Variants in CSMD1 observed in about 807,000 individuals in gnomAD.
CSMD1 encodes the protein CUB and sushi domain-containing protein 1.
Under a neutral mutation model 417.5 loss-of-function variants are expected in CSMD1, and 213 were observed. The ratio of observed to expected loss-of-function variants is 0.51; its 90% CI spans 0.46 to 0.57. The LOEUF (loss-of-function observed/expected upper bound fraction) is 0.57, where lower values mean the gene tolerates loss of function less well. CSMD1 is among the 20% of genes least tolerant of loss of function. CSMD1 has a pLI of 0.00. For missense variants in CSMD1, 6,923 were observed against 4,529.7 expected (o/e 1.53, Z -15.17); for synonymous variants, 2,862 against 1,736.8 (o/e 1.65, Z -16.11).
chr8:3,630,817 G>T (rs1035051922), intron 7 of CSMD1, among the ~76,000 whole-genome samples: 2 of 152,188 alleles, frequency 1.3e-5, no homozygotes, highest in African/African-American at 4.8e-5. Context: ...AAGGTCAAGA[G>T]TTCCATTGCT....
At chr8:4,807,849 G>T (rs951731831) in intron 1 of CSMD1, among the ~76,000 whole-genome samples, 1 of 152,102 alleles carries the variant, frequency 6.6e-6, no homozygotes, top group Non-Finnish European at 1.5e-5. Context: ...CTATGTTATT[G>T]TTAATATTAC....
At chr8:4,725,644 C>G (rs1019141468) in intron 1 of CSMD1, among the ~76,000 whole-genome samples, 6 of 152,164 alleles carry the variant, frequency 3.9e-5, no homozygotes, top group African/African-American at 1.4e-4. Flanking sequence ...ACAGCTCATC[C>G]TTTCAGAATC....
At chr8:4,363,036 T>C (rs1001363602) in intron 3 of CSMD1, among the ~76,000 whole-genome samples, 8 of 152,212 alleles carry the variant, frequency 5.3e-5, no homozygotes, top group African/African-American at 1.9e-4. Flanking sequence ...TTACTTCTGC[T>C]ACTACGGAAG....
At chr8:3,633,388 T>C (rs542049621) in intron 7 of CSMD1, among the ~76,000 whole-genome samples, 65 of 152,178 alleles carry the variant, frequency 4.3e-4, no homozygotes, top group Non-Finnish European at 8.4e-4. Context: ...ACTGACAAGT[T>C]TGCAAACTAG....
intron 3 of CSMD1, among the ~76,000 whole-genome samples, chr8:4,312,005 T>A (rs926454485): frequency 6.6e-6 from 1 of 152,110 alleles, no homozygotes. Context: ...AAAAAAGAAA[T>A]GCATTGCTAT....
chr8:4,772,596 T>C (rs1006542442), intron 1 of CSMD1, among the ~76,000 whole-genome samples: 2 of 152,188 alleles, frequency 1.3e-5, no homozygotes, highest in Admixed American at 6.5e-5. Flanking sequence ...GTGTTTTGAA[T>C]TAAAATTTTT....
At chr8:4,466,292 G>C (rs1032623430) in intron 2 of CSMD1, among the ~76,000 whole-genome samples, 4 of 151,992 alleles carry the variant, frequency 2.6e-5, no homozygotes. Context: ...GAAGAAAACA[G>C]AGGAGGAGGA....
intron 2 of CSMD1, among the ~76,000 whole-genome samples, chr8:4,437,412 C>G (rs1798209638): frequency 6.6e-6 from 1 of 152,054 alleles, no homozygotes; most frequent in South Asian, 2.1e-4. Flanking sequence ...CAAAGTGAGC[C>G]ACATTTTCTA....
chr8:4,745,721 A>G (rs1273000424), intron 1 of CSMD1, among the ~76,000 whole-genome samples: 1 of 152,224 alleles, frequency 6.6e-6, no homozygotes, highest in Non-Finnish European at 1.5e-5. Context: ...TTAACTTAGC[A>G]TACTTTAATG....
chr8:4,804,795 C>A (rs1475510596), intron 1 of CSMD1, among the ~76,000 whole-genome samples: 2 of 152,162 alleles, frequency 1.3e-5, no homozygotes, highest in African/African-American at 4.8e-5. Flanking sequence ...ACAATTTATT[C>A]CTAGGGGACC....
Position 3,544,259 on chromosome 8 carries a change from C to T in CSMD1, c.1344+30686G>A, listed in dbSNP as rs190884557. Among the ~76,000 whole-genome samples, 5 of 152,196 alleles carry T rather than the reference C, an allele frequency of 3.3e-5. No homozygotes were observed. In the East Asian group the frequency reaches 9.7e-4, roughly 29 times the overall value. Reference sequence around the variant, plus strand: ...TAAAAGTGCCCCGACATCCTGATACCTTGAAAAAAGAGCGTTCTTAATTTT... The same window carrying T: ...TAAAAGTGCCCCGACATCCTGATACTTTGAAAAAAGAGCGTTCTTAATTTT... On this transcript the variant is annotated intron_variant, in intron 10 of 69. Transcript: ENST00000635120.
At chr8:4,033,821 C>T (rs989104270) in intron 3 of CSMD1, among the ~76,000 whole-genome samples, 4 of 152,176 alleles carry the variant, frequency 2.6e-5, no homozygotes, top group African/African-American at 9.7e-5. Context: ...ACTTGAAACT[C>T]CATTCCACAC....
chr8:3,867,354 G>A (rs1805175242), intron 5 of CSMD1, among the ~76,000 whole-genome samples: 1 of 152,146 alleles, frequency 6.6e-6, no homozygotes, highest in South Asian at 2.1e-4. Context: ...CAGACTGGAT[G>A]TCTCTTCTAT....
chr8:4,318,342 CCTCT>C lies in CSMD1; in HGVS notation c.415+101607_415+101610del, dbSNP rs1342020979. Among the ~76,000 whole-genome samples, 9 of 152,230 alleles carry C rather than the reference CCTCT, an allele frequency of 5.9e-5. No homozygotes were observed. In the East Asian group the frequency reaches 9.7e-4, roughly 16 times the overall value. On this transcript the variant is annotated intron_variant, in intron 3 of 69. Transcript: ENST00000635120. ...CTTTACCATTAGGTCATCCATCCCT[CCTCT>C]CTCTTTTTATGCACACATGTGCACA...
At chr8:4,962,105 T>A (rs1809530690) in intron 1 of CSMD1, among the ~76,000 whole-genome samples, 1 of 67,448 alleles carries the variant, frequency 1.5e-5, no homozygotes, top group South Asian at 4.5e-4. Flanking sequence ...AAGTATGTAT[T>A]TTTTTGTTGT....
intron 5 of CSMD1, among the ~76,000 whole-genome samples, chr8:3,759,961 A>G (rs1307448113): frequency 6.6e-6 from 1 of 151,628 alleles, no homozygotes; most frequent in Non-Finnish European, 1.5e-5. Context: ...TGATCAACCA[A>G]TGTCTTCCCG....
chr8:4,589,994 T>C (rs1197633658), intron 2 of CSMD1, among the ~76,000 whole-genome samples: 3 of 152,226 alleles, frequency 2.0e-5, no homozygotes, highest in African/African-American at 4.8e-5. Context: ...ATACTGTCTG[T>C]TCTAAAAGTC....
At chr8:4,193,712 C>T (rs549227457) in intron 3 of CSMD1, among the ~76,000 whole-genome samples, 104 of 152,226 alleles carry the variant, frequency 6.8e-4, no homozygotes, top group Middle Eastern at 3.4e-3. Context: ...TTTCAAGGCG[C>T]AGGAACCACG....
intron 54 of CSMD1, among the ~76,000 whole-genome samples, chr8:2,987,122 T>G (rs1188915397): frequency 1.3e-5 from 2 of 152,132 alleles, no homozygotes; most frequent in African/African-American, 4.8e-5. Context: ...TGTATTTTTC[T>G]ATCATATTTT....
Sources: gnomAD v4.1 joint callset for allele counts (sites outside exome capture counted in the v4.1 genomes callset) on GRCh38, gnomAD v4.1.1 for gene constraint, MANE v1.5 for transcripts, NCBI Gene and HGNC (gene_info 2026-07-23, HGNC 2026-07-21) for gene names.